The following SDK1 variants were observed in gnomAD, a reference collection of about 807,000 sequenced individuals.
SDK1 encodes the protein protein sidekick-1.
SDK1 carries 157 observed loss-of-function variants against 245.5 expected under a neutral mutation model. The ratio of observed to expected loss-of-function variants is 0.64; its 90% CI spans 0.56 to 0.73. The LOEUF (loss-of-function observed/expected upper bound fraction) is 0.73, where lower values mean the gene tolerates loss of function less well. SDK1 is among the 30% of genes least tolerant of loss of function. The pLI, the probability that SDK1 is intolerant of heterozygous loss-of-function variation, is 0.00. For missense variants in SDK1, 3,583 were observed against 3,002.3 expected, an observed-to-expected ratio of 1.19 and a Z score of -4.52; for synonymous variants, 1,647 against 1,278.5, an observed-to-expected ratio of 1.29 and a Z score of -6.15.
At chr7:3,733,895 T>C (rs995484360) in intron 4 of SDK1, among the ~76,000 whole-genome samples, 17 of 152,204 alleles carry the variant, frequency 1.1e-4, no homozygotes, top group African/African-American at 3.9e-4. Context: ...GGAAGCCTGT[T>C]CTGGAGTCTG....
intron 1 of SDK1, among the ~76,000 whole-genome samples, chr7:3,548,762 C>T (rs1165035424): frequency 1.3e-5 from 2 of 152,150 alleles, no homozygotes; most frequent in African/African-American, 2.4e-5. Flanking sequence ...GATTGTACTC[C>T]CATCTTCCTT....
chr7:4,248,909 C>G (rs774051663), intron 44 of SDK1, among the ~76,000 whole-genome samples: 1 of 139,432 alleles, frequency 7.2e-6, no homozygotes, highest in African/African-American at 3.4e-5. Context: ...ATGCATACCA[C>G]CATGCACACA....
intron 40 of SDK1, among the ~76,000 whole-genome samples, chr7:4,222,348 G>A (rs1584479241): frequency 6.6e-6 from 1 of 152,278 alleles, no homozygotes; most frequent in East Asian, 1.9e-4. Context: ...AGCCTGGAGT[G>A]CAGTGGTGCA....
intron 1 of SDK1, among the ~76,000 whole-genome samples, chr7:3,382,009 C>G (rs752335803): frequency 1.3e-5 from 2 of 152,184 alleles, no homozygotes; most frequent in Non-Finnish European, 2.9e-5. Flanking sequence ...ATAACTAATA[C>G]TTATTGATGC....
At chr7:3,693,170 A>G (rs1784480751) in intron 4 of SDK1, among the ~76,000 whole-genome samples, 1 of 152,066 alleles carries the variant, frequency 6.6e-6, no homozygotes. Flanking sequence ...AATGTTGTAT[A>G]CTCATTTATA....
chr7:3,723,963 GAGAGAGAGAGAGAGAA>G (rs1308033672), intron 4 of SDK1, among the ~76,000 whole-genome samples: 2 of 149,526 alleles, frequency 1.3e-5, no homozygotes, highest in African/African-American at 2.5e-5. Context: ...GAGAGAGAGA[GAGAGAGAGAGAGAGAA>G]AGAGAGAGAG....
At chr7:3,354,115 C>A (rs554907133) in intron 1 of SDK1, among the ~76,000 whole-genome samples, 22 of 151,748 alleles carry the variant, frequency 1.4e-4, no homozygotes, top group Non-Finnish European at 2.9e-4. Context: ...GCCTCAGCCT[C>A]AGCCTCCCAA....
intron 1 of SDK1, among the ~76,000 whole-genome samples, chr7:3,440,711 T>G (rs981372286): frequency 2.6e-5 from 4 of 152,252 alleles, no homozygotes; most frequent in South Asian, 4.1e-4. Context: ...TATGCTGAGG[T>G]TGCTAAGATT....
At position 4,208,248 on chromosome 7, in the gene SDK1, T is replaced by C. The variant is rs6952612; in HGVS notation, c.5364T>C (p.Pro1788=). The change falls in exon 37 of 45, where the codon CCT becomes CCC. Residue 1788 remains proline (P), a synonymous_variant. Coordinates refer to ENST00000404826, the MANE Select transcript of SDK1 (RefSeq NM_152744.4). ...CCTTCAACGCCGCCGGAGATGGACC[T>C]AAGAGTGACCCCCAGCAGGGGCGCA... ...ISAFNAAGDG[P]KSDPQQGRTH... 3,213 of 1,613,842 alleles carry C rather than the reference T, an allele frequency of 2.0e-3. 64 individuals carry two copies. In the African/African-American group the frequency reaches 0.039, roughly 19 times the overall value.
At chr7:3,827,970 T>C (rs1337274394) in intron 5 of SDK1, among the ~76,000 whole-genome samples, 1 of 152,168 alleles carries the variant, frequency 6.6e-6, no homozygotes, top group African/African-American at 2.4e-5. Context: ...AGCACGTCTG[T>C]CCTAACTAAT....
intron 1 of SDK1, among the ~76,000 whole-genome samples, chr7:3,600,860 T>C (rs949444431): frequency 4.6e-5 from 7 of 152,184 alleles, no homozygotes; most frequent in African/African-American, 1.7e-4. Context: ...TGTAGGTTTT[T>C]AAAAATTGAT....
intron 5 of SDK1, among the ~76,000 whole-genome samples, chr7:3,876,101 T>G (rs1417875863): frequency 6.6e-6 from 1 of 152,202 alleles, no homozygotes; most frequent in African/African-American, 2.4e-5. Flanking sequence ...TGCTGTGGTG[T>G]GAGTCAGGCA....
chr7:3,962,294 C>T (rs538840254), intron 8 of SDK1, among the ~76,000 whole-genome samples: 20 of 152,356 alleles, frequency 1.3e-4, no homozygotes, highest in South Asian at 4.1e-4. Flanking sequence ...AGCCCTCCCG[C>T]GGTGGCTGAG....
chr7:4,071,938 C>T (rs1780281097), intron 20 of SDK1, among the ~76,000 whole-genome samples: 1 of 152,200 alleles, frequency 6.6e-6, no homozygotes, highest in African/African-American at 2.4e-5. Flanking sequence ...ACGTTAGCCC[C>T]TGCCCTGCCC....
At chr7:3,583,359 C>T (rs1257545170) in intron 1 of SDK1, among the ~76,000 whole-genome samples, 3 of 152,156 alleles carry the variant, frequency 2.0e-5, no homozygotes, top group Non-Finnish European at 4.4e-5. Flanking sequence ...CCAAATTGCT[C>T]TTAAAGGTGA....
intron 4 of SDK1, among the ~76,000 whole-genome samples, chr7:3,683,769 A>G (rs1337771156): frequency 2.6e-5 from 4 of 152,188 alleles, no homozygotes; most frequent in African/African-American, 4.8e-5. Flanking sequence ...AGACACATGC[A>G]TTACACGGCA....
intron 1 of SDK1, among the ~76,000 whole-genome samples, chr7:3,310,658 C>A (rs554016079): frequency 6.6e-6 from 1 of 152,090 alleles, no homozygotes; most frequent in African/African-American, 2.4e-5. Flanking sequence ...TGTGAGGGAC[C>A]TTTGAGGCAT....
intron 17 of SDK1, among the ~76,000 whole-genome samples, chr7:4,022,412 A>C (rs1235625603): frequency 6.6e-6 from 1 of 152,164 alleles, no homozygotes; most frequent in East Asian, 1.9e-4. Flanking sequence ...GCTCCTCCTG[A>C]GAAAGTATCC....
rs567852637 is a variant in SDK1, at chr7:3,549,465, A to G, written c.299-69615A>G. ...TTAATATGCTAAATATCCATGTGCC[A>G]AAGGAAAATAAAAGTAAGTTCTTTT... On this transcript the variant is annotated intron_variant, in intron 1 of 44. Transcript: ENST00000404826. 8.1e-4 allele frequency among the ~76,000 whole-genome samples: 124 copies of G among 152,370 alleles called. 1 individual carries two copies. Among genetic ancestry groups the G allele is most frequent in the African/African-American group, 3.0e-3 (124 of 41,592 alleles).
Sources: allele counts gnomAD v4.1 joint callset (sites outside exome capture counted in the v4.1 genomes callset), GRCh38; gene constraint gnomAD v4.1.1; transcripts MANE v1.5; gene names NCBI Gene and HGNC (gene_info 2026-07-23, HGNC 2026-07-21).